The following ULK4 variants were observed in gnomAD, a reference collection of about 807,000 sequenced individuals.
The protein encoded by ULK4 is unc-51 like kinase 4.
A neutral mutation model predicts 160.6 loss-of-function variants in ULK4; 133 were observed. The ratio of observed to expected loss-of-function variants is 0.83; its 90% CI spans 0.72 to 0.96. The LOEUF (loss-of-function observed/expected upper bound fraction) is 0.96. Ranked by LOEUF, ULK4 falls within the 40% of genes least tolerant of loss-of-function variation. The pLI, the probability that ULK4 is intolerant of heterozygous loss-of-function variation, is 0.00. For missense variants in ULK4, 1,580 were observed against 1,499.5 expected (o/e 1.05, Z -0.89); for synonymous variants, 534 against 539.8 (o/e 0.99, Z 0.15).
intron 18 of ULK4, among the ~76,000 whole-genome samples, chr3:41,834,296 G>A (rs1191554574): frequency 6.6e-6 from 1 of 151,954 alleles, no homozygotes; most frequent in Non-Finnish European, 1.5e-5. Context: ...ATTAATATAT[G>A]TAAATACTAC....
intron 27 of ULK4, among the ~76,000 whole-genome samples, chr3:41,692,060 TC>T (rs1264621794): frequency 6.8e-6 from 1 of 146,964 alleles, no homozygotes; most frequent in African/African-American, 2.5e-5. Flanking sequence ...CACGCCATTC[TC>T]CTGCCTCAGC....
At chr3:41,577,392 T>C (rs1366436219) in intron 31 of ULK4, among the ~76,000 whole-genome samples, 3 of 152,240 alleles carry the variant, frequency 2.0e-5, no homozygotes, top group Non-Finnish European at 4.4e-5. Context: ...ACATATGAGA[T>C]GTTTTGATAC....
chr3:41,841,355 T>C (rs1360043373), intron 17 of ULK4, among the ~76,000 whole-genome samples: 1 of 150,104 alleles, frequency 6.7e-6, no homozygotes, highest in African/African-American at 2.5e-5. Context: ...CCACCCCGCC[T>C]GGGAAGTGAG....
intron 31 of ULK4, among the ~76,000 whole-genome samples, chr3:41,569,693 C>T (rs150495808): frequency 8.4e-4 from 128 of 152,222 alleles, no homozygotes; most frequent in African/African-American, 3.0e-3. Context: ...CCTTTTACAC[C>T]GTGTCCTCTC....
At chr3:41,603,639 T>C (rs1210628037) in intron 31 of ULK4, among the ~76,000 whole-genome samples, 1 of 151,950 alleles carries the variant, frequency 6.6e-6, no homozygotes. Context: ...ATCATACAAA[T>C]TGAGATATGC....
At chr3:41,305,670 C>T (rs1559514718) in intron 35 of ULK4, among the ~76,000 whole-genome samples, 1 of 151,474 alleles carries the variant, frequency 6.6e-6, no homozygotes, top group African/African-American at 2.4e-5. Flanking sequence ...AGCGTCTCTG[C>T]CTGGCCGCCC....
At chr3:41,421,122 A>G (rs1434893397) in intron 34 of ULK4, among the ~76,000 whole-genome samples, 1 of 148,834 alleles carries the variant, frequency 6.7e-6, no homozygotes, top group Non-Finnish European at 1.5e-5. Context: ...ATCTCAAAAA[A>G]AAAAGAAAAG....
chr3:41,918,553 G>A lies in ULK4; in HGVS notation c.644-13C>T. On this transcript the variant is annotated splice_polypyrimidine_tract_variant and intron_variant, in intron 6 of 36. Transcript: ENST00000301831. ...AATGGAGGTTTTCCTGAAATCACAT[G>A]AAAACTTGCAAAATGAAAGAAGTCT... 2.8e-6 allele frequency: 4 copies of A among 1,412,506 alleles called. No homozygotes were observed. The highest frequency in any genetic ancestry group is 2.0e-4 in the Middle Eastern group (1 of 4,914). The allele number at this position is 1,412,506 out of a possible 1,614,324, so 87.5% of individuals were successfully genotyped here.
intron 35 of ULK4, among the ~76,000 whole-genome samples, chr3:41,252,751 A>G (rs966456556): frequency 2.6e-5 from 4 of 152,296 alleles, no homozygotes; most frequent in African/African-American, 9.6e-5. Flanking sequence ...TGAAGAAATC[A>G]TGACTAAAAC....
At chr3:41,822,274 A>G (rs2041170365) in intron 18 of ULK4, among the ~76,000 whole-genome samples, 1 of 152,172 alleles carries the variant, frequency 6.6e-6, no homozygotes, top group African/African-American at 2.4e-5. Flanking sequence ...TCATGCATGA[A>G]AAAAGCACCT....
chr3:41,728,169 T>C (rs556563896), intron 22 of ULK4, among the ~76,000 whole-genome samples: 6 of 152,316 alleles, frequency 3.9e-5, no homozygotes, highest in African/African-American at 1.4e-4. Context: ...AGGCCATGCA[T>C]GGATGGTATT....
chr3:41,319,050 G>A (rs1275518721), intron 35 of ULK4, among the ~76,000 whole-genome samples: 1 of 152,176 alleles, frequency 6.6e-6, no homozygotes, highest in Non-Finnish European at 1.5e-5. Context: ...ACAGGTCTAT[G>A]AAAATGAGTT....
intron 32 of ULK4, among the ~76,000 whole-genome samples, chr3:41,520,198 A>C (rs959289475): frequency 4.6e-5 from 7 of 152,094 alleles, no homozygotes; most frequent in African/African-American, 1.4e-4. Flanking sequence ...TGTACCCACT[A>C]AACTGTACCT....
chr3:41,827,023 C>T (rs914294621), intron 18 of ULK4, among the ~76,000 whole-genome samples: 1 of 151,034 alleles, frequency 6.6e-6, no homozygotes, highest in Non-Finnish European at 1.5e-5. Flanking sequence ...AACCGCTCCA[C>T]TACATGGAAA....
chr3:41,420,475 CTTTTTTTTTT>C (rs1165381982), intron 34 of ULK4, among the ~76,000 whole-genome samples: 2 of 41,178 alleles, frequency 4.9e-5, no homozygotes, highest in African/African-American at 1.0e-4. Flanking sequence ...CCAGTTCTTT[CTTTTTTTTTT>C]TTTTTTTTTT....
At chr3:41,896,160 G>A (rs567893692) in intron 15 of ULK4, among the ~76,000 whole-genome samples, 5 of 152,314 alleles carry the variant, frequency 3.3e-5, no homozygotes, top group South Asian at 2.1e-4. Flanking sequence ...AGATGACCCA[G>A]TAAAGGAACC....
Position 41,856,579 on chromosome 3 carries a change from ATATATATACACATATATATATATGTG to A in ULK4, c.1657-20634_1657-20609del, listed in dbSNP as rs1559611234. On this transcript the variant is annotated intron_variant, in intron 17 of 36. Coordinates refer to ENST00000301831, the MANE Select transcript of ULK4 (RefSeq NM_017886.4). ...TATATATACACATATATATATGTGT[ATATATATACACATATATATATATGTG>A]TATATATATACACATATATATATAT... is the stretch of plus-strand genomic sequence containing the variant. Among the ~76,000 whole-genome samples the A allele has an allele frequency of 1.1e-3, 64 of 58,426 alleles. 1 individual carries two copies. Among genetic ancestry groups the A allele is most frequent in the East Asian group, 5.0e-3 (13 of 2,608 alleles). The allele number at this position is 58,426 out of a possible 152,430, so 38.3% of individuals were successfully genotyped here.
intron 32 of ULK4, among the ~76,000 whole-genome samples, chr3:41,558,792 G>C (rs914191196): frequency 7.9e-5 from 12 of 151,384 alleles, no homozygotes; most frequent in Admixed American, 6.6e-4. Flanking sequence ...ACAGTGACTT[G>C]GTAATTTTAT....
At chr3:41,654,769 T>C (rs890401413) in intron 30 of ULK4, among the ~76,000 whole-genome samples, 3 of 152,180 alleles carry the variant, frequency 2.0e-5, no homozygotes, top group Non-Finnish European at 4.4e-5. Context: ...GAACACAAGC[T>C]ACAGTTACAA....
Sources: allele counts gnomAD v4.1 joint callset (sites outside exome capture counted in the v4.1 genomes callset), GRCh38; gene constraint gnomAD v4.1.1; transcripts MANE v1.5; gene names NCBI Gene and HGNC (gene_info 2026-07-23, HGNC 2026-07-21).